Variants in S100A13 observed in about 807,000 individuals in gnomAD.
S100A13 encodes the protein S100 calcium binding protein A13.
In S100A13, 6 loss-of-function variants were observed where a neutral mutation model predicts 8.2. The observed-to-expected ratio is 0.73, with a 90% CI of 0.40 to 1.44. The LOEUF is 1.44. Among genes scored for constraint, S100A13 ranks in the 40% most tolerant of loss-of-function variants. S100A13 has a pLI of 0.02. For synonymous variants in S100A13, 39 were observed against 45.9 expected, an observed-to-expected ratio of 0.85 and a Z score of 0.61; for missense variants, 114 against 113.6, an observed-to-expected ratio of 1.00 and a Z score of -0.02.
intron 2 of S100A13, among the ~76,000 whole-genome samples, chr1:153,624,575 G>T (rs1667481814): frequency 6.6e-6 from 1 of 150,810 alleles, no homozygotes; most frequent in Admixed American, 6.6e-5. Flanking sequence ...CACAATCACT[G>T]CTTGACAAGG....
upstream of S100A13, chr1:153,628,737 T>C (rs1026639304): frequency 3.0e-6 from 2 of 657,962 alleles, no homozygotes; most frequent in African/African-American, 1.8e-5. Flanking sequence ...AGGAAGCCAG[T>C]GGGGAACCCA....
upstream of S100A13, chr1:153,631,909 C>T: frequency 1.9e-6 from 3 of 1,565,768 alleles, no homozygotes; most frequent in Non-Finnish European, 2.6e-6. Context: ...CCCCTGCTTC[C>T]ACCTCACCCC....
chr1:153,626,155 G>A, intron 2 of S100A13, among the ~76,000 whole-genome samples, 165 bp downstream of exon 2: 1 of 152,346 alleles, frequency 6.6e-6, no homozygotes, highest in East Asian at 1.9e-4. Flanking sequence ...GCAACAGAGT[G>A]AGACTTTGTC....
chr1:153,628,524 C>T (rs1282598054), upstream of S100A13: 4 of 1,550,034 alleles, frequency 2.6e-6, no homozygotes, highest in South Asian at 1.2e-5. Context: ...CTGGGCTAGT[C>T]CCTGGCCTGC....
At chr1:153,630,817 A>G (rs113846128), upstream of S100A13, among the ~76,000 whole-genome samples, 7 of 151,778 alleles carry the variant, frequency 4.6e-5, no homozygotes, top group African/African-American at 1.7e-4. Context: ...AGGCTCCCCT[A>G]CTCCTCCTGG....
chr1:153,632,082 G>A (rs73009998), upstream of S100A13: 549 of 529,626 alleles, frequency 1.0e-3, 2 homozygotes, highest in African/African-American at 9.4e-3. Context: ...GGGTGGAGAC[G>A]TGAAGACTGT....
chr1:153,626,451 C>T lies in S100A13; in HGVS notation c.22G>A (p.Glu8Lys), dbSNP rs1667638846. 5.0e-6 allele frequency: 8 copies of T among 1,614,236 alleles called. 1 individual carries two copies. The East Asian group carries it at 1.8e-4, about 36-fold the overall frequency. The change falls in exon 2 of 3, where the codon GAG (glutamate) becomes AAG (lysine). Residue 8 changes from glutamate (E) to lysine (K), a missense_variant. By Grantham distance (56) the Glu-to-Lys change is moderately conservative. Transcript: ENST00000476133. MAAEPLT[E>K]LEESIETVVT... Reference sequence around the variant, plus strand: ...ACGGTCTCAATGGACTCCTCTAGCTCTGTCAGTGGTTCTGCTGCCATTAGG... The same window carrying T: ...ACGGTCTCAATGGACTCCTCTAGCTTTGTCAGTGGTTCTGCTGCCATTAGG...
At chr1:153,624,063 AC>A (rs1287052779) in intron 2 of S100A13, among the ~76,000 whole-genome samples, 2 of 152,218 alleles carry the variant, frequency 1.3e-5, no homozygotes, top group African/African-American at 2.4e-5. Flanking sequence ...GGGTCGAGAG[AC>A]TGAAGGTACC....
upstream of S100A13, chr1:153,631,869 T>C: frequency 1.9e-6 from 3 of 1,609,172 alleles, no homozygotes; most frequent in South Asian, 2.2e-5. Flanking sequence ...GCAGCGCCCT[T>C]CCTCTCCACC....
At chr1:153,624,679 C>T (rs557494529) in intron 2 of S100A13, among the ~76,000 whole-genome samples, 1 of 152,200 alleles carries the variant, frequency 6.6e-6, no homozygotes, top group Non-Finnish European at 1.5e-5. Flanking sequence ...TGGCTCATGA[C>T]TGTAATCCCA....
chr1:153,630,233 G>C (rs1390778214), upstream of S100A13: 1 of 484,834 alleles, frequency 2.1e-6, no homozygotes, highest in Non-Finnish European at 3.6e-6. Flanking sequence ...CAGGCCTCTG[G>C]AGCCAGCCCA....
chr1:153,630,433 C>A, upstream of S100A13: 1 of 1,544,000 alleles, frequency 6.5e-7, no homozygotes, highest in South Asian at 1.2e-5. Flanking sequence ...AGGGCCAGTC[C>A]TGAGGGTTCC....
At chr1:153,633,873 C>G (rs971192953), upstream of S100A13, 1 of 152,098 alleles carries the variant, frequency 6.6e-6, no homozygotes, top group Non-Finnish European at 1.5e-5. Context: ...CCGGCACGCC[C>G]CAACAACAGG....
chr1:153,626,642 G>C (rs1457543105), intron 1 of S100A13, 109 bp from the exon 2 acceptor site: 21 of 590,870 alleles, frequency 3.6e-5, no homozygotes, highest in Admixed American at 3.0e-5. Context: ...AGCCTGGAGG[G>C]GGCATATGGG....
At chr1:153,632,408 A>G (rs1032564348), upstream of S100A13, among the ~76,000 whole-genome samples, 1 of 150,482 alleles carries the variant, frequency 6.6e-6, no homozygotes, top group Non-Finnish European at 1.5e-5. Context: ...AGCAGCTGGG[A>G]CTACAGGCGC....
rs993093399 is a variant in S100A13 at position 153,626,185 on chromosome 1, C to A, written c.153+135G>T. ...TTTGTCTCGAAAAAACAAAAGAAAA[C>A]CTGCAACCATTGACACATGCAGCCA... On this transcript the variant is annotated intron_variant, in intron 2 of 2. Coordinates refer to ENST00000476133, the MANE Select transcript of S100A13 (RefSeq NM_001024211.2). The A allele has an allele frequency of 2.1e-5, 17 of 793,532 alleles. No individual in the cohort carries two copies. The African/African-American group carries it at 2.2e-4, about 10-fold the overall frequency. The allele number at this position is 793,532 out of a possible 1,614,324, so 49.2% of individuals were successfully genotyped here.
upstream of S100A13, chr1:153,630,782 C>A: frequency 7.4e-7 from 1 of 1,344,378 alleles, no homozygotes. Flanking sequence ...CTTTCCTTTC[C>A]CAGGCTTCTC....
intron 2 of S100A13, among the ~76,000 whole-genome samples, chr1:153,624,588 A>G (rs1053453120): frequency 1.3e-5 from 2 of 151,968 alleles, no homozygotes; most frequent in Admixed American, 1.3e-4. Context: ...TGACAAGGAT[A>G]TAAGGAATGC....
upstream of S100A13, chr1:153,629,945 C>T (rs1180209363): frequency 6.4e-6 from 1 of 155,480 alleles, no homozygotes; most frequent in African/African-American, 2.4e-5. Flanking sequence ...TGAGACCTCC[C>T]TCCCCCAGAA....
Sources: allele counts gnomAD v4.1 joint callset (sites outside exome capture counted in the v4.1 genomes callset), GRCh38; gene constraint gnomAD v4.1.1; transcripts MANE v1.5; gene names NCBI Gene and HGNC (gene_info 2026-07-23, HGNC 2026-07-21).